The following BAIAP2L1 variants were observed in gnomAD, a reference collection of about 807,000 sequenced individuals.
BAIAP2L1 encodes BAR/IMD domain containing adaptor protein 2 like 1.
BAIAP2L1 carries 35 observed loss-of-function variants against 66.3 expected under a neutral mutation model. The observed-to-expected ratio is 0.53, with a 90% CI of 0.40 to 0.70. The LOEUF (loss-of-function observed/expected upper bound fraction) is 0.70. BAIAP2L1 is among the 30% of genes least tolerant of loss of function. The pLI is 0.00. For missense variants in BAIAP2L1, 622 were observed against 656.9 expected (o/e 0.95, Z 0.58); for synonymous variants, 269 against 248.7 (o/e 1.08, Z -0.77).
At chr7:98,336,848 T>C (rs1048050371) in intron 3 of BAIAP2L1, among the ~76,000 whole-genome samples, 1 of 152,122 alleles carries the variant, frequency 6.6e-6, no homozygotes, top group Non-Finnish European at 1.5e-5. Context: ...AGTTTTGTGG[T>C]GAATATTTCA....
chr7:98,364,708 G>A (rs1331004034), intron 1 of BAIAP2L1, among the ~76,000 whole-genome samples: 3 of 152,056 alleles, frequency 2.0e-5, no homozygotes, highest in East Asian at 3.9e-4. Context: ...TTGGTCAGGC[G>A]TGATGGCTCA....
chr7:98,334,475 T>C (rs1234534964), intron 3 of BAIAP2L1, among the ~76,000 whole-genome samples: 1 of 152,204 alleles, frequency 6.6e-6, no homozygotes, highest in Admixed American at 6.5e-5. Flanking sequence ...CCAATTCTTA[T>C]TTCAATTTGA....
chr7:98,333,846 C>T (rs556752083), intron 3 of BAIAP2L1, among the ~76,000 whole-genome samples: 41 of 151,674 alleles, frequency 2.7e-4, no homozygotes, highest in Middle Eastern at 3.4e-3. Context: ...CACGGCTCCA[C>T]GATGGTGCCA....
chr7:98,371,794 TTTC>T (rs533582706), intron 1 of BAIAP2L1, among the ~76,000 whole-genome samples: 1,491 of 147,270 alleles, frequency 0.01, 25 homozygotes, highest in African/African-American at 0.036. Context: ...TCTCTTTTAG[TTTC>T]TTTTTTTTTT....
At chr7:98,304,443 G>C in intron 11 of BAIAP2L1, 67 bp from the exon 12 acceptor site, 1 of 1,535,542 alleles carries the variant, frequency 6.5e-7, no homozygotes, top group South Asian at 1.2e-5. Flanking sequence ...AACATCCTCT[G>C]TGTCCCTGAC....
At chr7:98,336,441 C>T (rs952291750) in intron 3 of BAIAP2L1, among the ~76,000 whole-genome samples, 4 of 152,092 alleles carry the variant, frequency 2.6e-5, no homozygotes, top group African/African-American at 7.2e-5. Context: ...TGGTGAAAAA[C>T]GCTGTCTCTA....
At position 98,306,429 on chromosome 7, in the gene BAIAP2L1, TCA is replaced by T. The variant is rs1291754105; in HGVS notation, c.1241+8_1241+9del. 6.2e-7 allele frequency: 1 copy of T among 1,614,126 alleles called. No homozygotes were observed. Among genetic ancestry groups the T allele is most frequent in the Non-Finnish European group, 8.5e-7 (1 of 1,179,986 alleles). ...TGTCACCGGGAGAGCTCAGCCACGTTCAGGGCTACCTTGGCGTGGGCACGGTC... is the reference window on the plus strand; with the variant it reads ...TGTCACCGGGAGAGCTCAGCCACGTTGGGCTACCTTGGCGTGGGCACGGTC... On this transcript the variant is annotated splice_region_variant and intron_variant, in intron 11 of 13. Transcript: ENST00000005260.
rs569983197 is a variant in BAIAP2L1 at position 98,365,333 on chromosome 7, C to CT, written c.52-2902dup. Among the ~76,000 whole-genome samples the CT allele has an allele frequency of 4.6e-5, 7 of 152,168 alleles. 1 individual carries two copies. Among genetic ancestry groups the CT allele is most frequent in the Non-Finnish European group, 1.0e-4 (7 of 68,032 alleles). ...ATATATCCTGGATTTATTCTCTAATCTTTTTTGATTTTCCACTTTCAGTAG... is the reference window on the plus strand; with the variant it reads ...ATATATCCTGGATTTATTCTCTAATCTTTTTTTGATTTTCCACTTTCAGTAG... On this transcript the variant is annotated intron_variant, in intron 1 of 13. Transcript: ENST00000005260.
chr7:98,381,914 G>A (rs1802768945), intron 1 of BAIAP2L1, among the ~76,000 whole-genome samples: 1 of 140,132 alleles, frequency 7.1e-6, no homozygotes, highest in East Asian at 2.1e-4. Flanking sequence ...CCACATTAGG[G>A]TAAAAATCTA....
intron 3 of BAIAP2L1, among the ~76,000 whole-genome samples, chr7:98,350,324 T>G (rs1430155854): frequency 2.0e-5 from 3 of 149,916 alleles, no homozygotes; most frequent in Non-Finnish European, 4.4e-5. Context: ...TGCACCAGAG[T>G]CCATGGTTAC....
rs911330781 is a variant in BAIAP2L1, at chr7:98,297,931, G to A, written c.1423-3820C>T. On this transcript the variant is annotated intron_variant, in intron 12 of 13. Transcript: ENST00000005260. ...CACTTGGAACTGCAGTAGAAAATACGTAAATTAAAAAAATTCAGGCCGGGC... is the reference window on the plus strand; with the variant it reads ...CACTTGGAACTGCAGTAGAAAATACATAAATTAAAAAAATTCAGGCCGGGC... 5.9e-5 allele frequency among the ~76,000 whole-genome samples: 9 copies of A among 152,154 alleles called. 1 individual carries two copies. In the East Asian group the frequency reaches 7.7e-4, roughly 13 times the overall value.
intron 1 of BAIAP2L1, among the ~76,000 whole-genome samples, chr7:98,387,752 A>G (rs996379280): frequency 2.0e-5 from 3 of 151,912 alleles, no homozygotes; most frequent in African/African-American, 7.3e-5. Context: ...CTGTAGTCCC[A>G]GCCACTCAGA....
intron 1 of BAIAP2L1, among the ~76,000 whole-genome samples, chr7:98,370,624 CCT>C (rs1802490180): frequency 6.6e-6 from 1 of 151,892 alleles, no homozygotes; most frequent in Non-Finnish European, 1.5e-5. Flanking sequence ...GCCTCAGCCC[CCT>C]GAGTAGCTGG....
chr7:98,353,805 CA>C lies in BAIAP2L1; in HGVS notation c.214+1236del, dbSNP rs1193094434. 4.0e-5 allele frequency among the ~76,000 whole-genome samples: 6 copies of C among 148,996 alleles called. No individual in the cohort carries two copies. The East Asian group carries it at 1.2e-3, about 29-fold the overall frequency. ...CGAAACCCCGTCTCTACTAAAAATA[CA>C]AAAAAATTAGCCAGGCGTGGTGGCG... On this transcript the variant is annotated intron_variant, in intron 3 of 13. Transcript: ENST00000005260.
chr7:98,363,027 C>CTTTTTTTTTTTT (rs71537235), intron 1 of BAIAP2L1, among the ~76,000 whole-genome samples: 3 of 75,608 alleles, frequency 4.0e-5, no homozygotes, highest in Non-Finnish European at 5.5e-5. Context: ...GGCATTTTTT[C>CTTTTTTTTTTTT]TTTTTTTTTT....
intron 3 of BAIAP2L1, among the ~76,000 whole-genome samples, chr7:98,329,425 G>A (rs980665893): frequency 6.6e-6 from 1 of 152,116 alleles, no homozygotes; most frequent in Non-Finnish European, 1.5e-5. Flanking sequence ...AAACTTCAGG[G>A]GGTCAGTCTT....
chr7:98,390,282 A>G (rs937173666), intron 1 of BAIAP2L1, among the ~76,000 whole-genome samples: 1 of 152,130 alleles, frequency 6.6e-6, no homozygotes, highest in Non-Finnish European at 1.5e-5. Flanking sequence ...TAAGATTTAA[A>G]ATTAGGTTTA....
At chr7:98,328,065 C>T (rs1801412112) in intron 3 of BAIAP2L1, among the ~76,000 whole-genome samples, 2 of 151,514 alleles carry the variant, frequency 1.3e-5, no homozygotes, top group Non-Finnish European at 2.9e-5. Flanking sequence ...AGCACAAATA[C>T]ACCTTCATTT....
intron 3 of BAIAP2L1, among the ~76,000 whole-genome samples, chr7:98,334,588 A>G (rs535196102): frequency 5.9e-5 from 9 of 152,192 alleles, no homozygotes; most frequent in African/African-American, 2.2e-4. Context: ...TCCGTCACCC[A>G]GGCTGGAGTG....
Sources: allele counts gnomAD v4.1 joint callset (sites outside exome capture counted in the v4.1 genomes callset), GRCh38; gene constraint gnomAD v4.1.1; transcripts MANE v1.5; gene names NCBI Gene and HGNC (gene_info 2026-07-23, HGNC 2026-07-21).